STK38: variants seen among roughly 807,000 people sequenced by gnomAD.
STK38 encodes serine/threonine-protein kinase 38.
Under a neutral mutation model 59.0 loss-of-function variants are expected in STK38, and 26 were observed. The observed-to-expected ratio is 0.44, with a 90% CI of 0.32 to 0.61. The LOEUF (loss-of-function observed/expected upper bound fraction) is 0.61. Among genes scored for constraint, STK38 ranks in the 20% least tolerant of loss-of-function variants. STK38 has a pLI of 0.04. For synonymous variants in STK38, 175 were observed against 176.6 expected, an observed-to-expected ratio of 0.99 and a Z score of 0.07; for missense variants, 433 against 566.0, an observed-to-expected ratio of 0.76 and a Z score of 2.38.
In STK38 at chr6:36,499,874, G is replaced by T; in HGVS notation, c.951C>A (p.Ile317=). ...SLGVIMYEML[I]GYPPFCSETP... ...GTCCTCTGAAACCATGCAACTTACC[G>T]ATGAGCATCTCATACATGATCACCC... is the stretch of plus-strand genomic sequence containing the variant. The change falls in exon 10 of 14, where the codon ATC becomes ATA. Residue 317 remains isoleucine, a splice_region_variant and synonymous_variant. Transcript: ENST00000229812. The T allele has an allele frequency of 6.2e-7, 1 of 1,613,036 alleles. No homozygotes were observed. Among genetic ancestry groups the T allele is most frequent in the African/African-American group, 1.3e-5 (1 of 75,008 alleles).
intron 7 of STK38, among the ~76,000 whole-genome samples, chr6:36,508,757 A>T (rs60908479): frequency 0.033 from 5,102 of 152,314 alleles, 295 homozygotes; most frequent in African/African-American, 0.11. Context: ...TGTGTGAGTG[A>T]GTGCGGGGTC....
At chr6:36,498,969 T>C (rs1057454733) in intron 10 of STK38, among the ~76,000 whole-genome samples, 1 of 152,064 alleles carries the variant, frequency 6.6e-6, no homozygotes, top group African/African-American at 2.4e-5. Context: ...TTTCCACTTA[T>C]CCCAGAAAAT....
intron 1 of STK38, among the ~76,000 whole-genome samples, chr6:36,542,573 A>C (rs1283230754): frequency 3.3e-5 from 5 of 152,162 alleles, no homozygotes; most frequent in Non-Finnish European, 7.4e-5. Flanking sequence ...TGAATTGGGA[A>C]GCAGAGGTTG....
chr6:36,539,712 T>C (rs1777884912), intron 2 of STK38, among the ~76,000 whole-genome samples: 1 of 151,584 alleles, frequency 6.6e-6, no homozygotes. Flanking sequence ...TATACCACTC[T>C]GCCTTAACAA....
rs538492047 is a variant in STK38, at chr6:36,517,189, C to T, written c.514+528G>A. Among the ~76,000 whole-genome samples the T allele has an allele frequency of 9.9e-5, 15 of 152,054 alleles. 1 individual carries two copies. Reference sequence around the variant, plus strand: ...AGACTGCTTTCCTCAGAACAGATGGCATGTTCTGTTCTGGGTTTACTTTGG... The same window carrying T: ...AGACTGCTTTCCTCAGAACAGATGGTATGTTCTGTTCTGGGTTTACTTTGG... On this transcript the variant is annotated intron_variant, in intron 6 of 13. Coordinates refer to ENST00000229812, the MANE Select transcript of STK38 (RefSeq NM_007271.4).
chr6:36,524,286 G>C (rs955178631), intron 4 of STK38, 55 bp downstream of exon 4: 8 of 1,575,104 alleles, frequency 5.1e-6, no homozygotes, highest in Non-Finnish European at 6.9e-6. Context: ...TGGTATGTTA[G>C]AAGCTTTGAA....
At chr6:36,513,463 C>T (rs1777161377) in intron 7 of STK38, among the ~76,000 whole-genome samples, 1 of 151,636 alleles carries the variant, frequency 6.6e-6, no homozygotes, top group African/African-American at 2.4e-5. Context: ...TACAGGCACA[C>T]TCCACCACGC....
At chr6:36,503,314 G>A (rs760351902) in intron 9 of STK38, among the ~76,000 whole-genome samples, 36 of 151,906 alleles carry the variant, frequency 2.4e-4, no homozygotes, top group African/African-American at 8.2e-4. Context: ...TTTACTCTGA[G>A]GTCATAAAGA....
chr6:36,538,577 C>T (rs190242730), intron 2 of STK38, among the ~76,000 whole-genome samples: 3 of 152,174 alleles, frequency 2.0e-5, no homozygotes, highest in Admixed American at 2.0e-4. Context: ...CAGAAGTATA[C>T]TGATGTCTAC....
chr6:36,522,876 A>AAAAAAAAAAAAAAAAAG (rs774099487), intron 4 of STK38, among the ~76,000 whole-genome samples: 4 of 98,838 alleles, frequency 4.0e-5, no homozygotes, highest in East Asian at 3.3e-4. Flanking sequence ...AAAAAAAAAA[A>AAAAAAAAAAAAAAAAAG]AAGAAGAAGA....
At chr6:36,527,191 CAAAAA>C (rs777770396) in intron 2 of STK38, among the ~76,000 whole-genome samples, 4 of 46,014 alleles carry the variant, frequency 8.7e-5, no homozygotes, top group Admixed American at 3.2e-4. Context: ...GACTCCGTCT[CAAAAA>C]AAAAAAAAAA....
chr6:36,546,998 G>A lies in STK38; in HGVS notation c.-6+192C>T, dbSNP rs612988. On this transcript the variant is annotated intron_variant, in intron 1 of 13. Coordinates refer to ENST00000229812, the MANE Select transcript of STK38 (RefSeq NM_007271.4). Reference sequence around the variant, plus strand: ...GAAAAATGTGGAGAGGGCCAACAAGGGGCATCTGGAGACGGGGGAAGAAGG... The same window carrying A: ...GAAAAATGTGGAGAGGGCCAACAAGAGGCATCTGGAGACGGGGGAAGAAGG... Among the ~76,000 whole-genome samples the A allele has an allele frequency of 2.0e-5, 3 of 152,140 alleles. No individual in the cohort carries two copies. The East Asian group carries it at 5.8e-4, about 29-fold the overall frequency.
chr6:36,527,207 A>AAAAAATATATATATAT (rs60162863), intron 2 of STK38, among the ~76,000 whole-genome samples: 1 of 119,354 alleles, frequency 8.4e-6, no homozygotes, highest in East Asian at 2.4e-4. Flanking sequence ...AAAAAAAAAA[A>AAAAAATATATATATAT]ATATATGTAT....
intron 2 of STK38, among the ~76,000 whole-genome samples, chr6:36,539,342 T>A (rs943190049): frequency 6.7e-6 from 1 of 149,564 alleles, no homozygotes; most frequent in Non-Finnish European, 1.5e-5. Context: ...GCTGAGATCA[T>A]GCCATTGCAC....
chr6:36,546,464 ACACT>A (rs1670045636), intron 1 of STK38, among the ~76,000 whole-genome samples: 1 of 152,114 alleles, frequency 6.6e-6, no homozygotes, highest in South Asian at 2.1e-4. Flanking sequence ...AAGGGTGGAG[ACACT>A]CAGGGTCTAC....
At chr6:36,515,058 G>A (rs1363748415) in intron 7 of STK38, among the ~76,000 whole-genome samples, 1 of 152,038 alleles carries the variant, frequency 6.6e-6, no homozygotes, top group Non-Finnish European at 1.5e-5. Flanking sequence ...AAGAGAAGGT[G>A]ACTATCTTTG....
At chr6:36,524,231 C>A in intron 4 of STK38, 110 bp downstream of exon 4, 1 of 1,338,032 alleles carries the variant, frequency 7.5e-7, no homozygotes, top group Non-Finnish European at 1.0e-6. Flanking sequence ...GCATGCCTGA[C>A]TCATTTAATT....
chr6:36,528,090 C>T (rs1224042725), intron 2 of STK38, among the ~76,000 whole-genome samples: 1 of 150,572 alleles, frequency 6.6e-6, no homozygotes, highest in African/African-American at 2.5e-5. Flanking sequence ...GCCTCGGTAA[C>T]AGAGCGAGAC....
chr6:36,532,130 C>T (rs923729295), intron 2 of STK38, among the ~76,000 whole-genome samples: 1 of 151,876 alleles, frequency 6.6e-6, no homozygotes, highest in Non-Finnish European at 1.5e-5. Context: ...TGCAATGTGT[C>T]CCTCCAGAAC....
Sources: allele counts gnomAD v4.1 joint callset (sites outside exome capture counted in the v4.1 genomes callset), GRCh38; gene constraint gnomAD v4.1.1; transcripts MANE v1.5; gene names NCBI Gene and HGNC (gene_info 2026-07-23, HGNC 2026-07-21).